The following FUT8 variants were observed in gnomAD, a reference collection of about 807,000 sequenced individuals.
FUT8 encodes fucosyltransferase 8, also known as alpha-(1,6)-fucosyltransferase.
Under a neutral mutation model 71.3 loss-of-function variants are expected in FUT8, and 29 were observed. The observed-to-expected ratio is 0.41, with a 90% CI of 0.30 to 0.55. The LOEUF is 0.55. FUT8 is among the 20% of genes least tolerant of loss of function. The probability of loss-of-function intolerance (pLI) is 0.34; values close to 1 mark genes in which losing one functional copy is unlikely to be tolerated. For missense variants in FUT8, 544 were observed against 702.1 expected (o/e 0.77, Z 2.55); for synonymous variants, 254 against 239.3 (o/e 1.06, Z -0.57).
the FUT8 span, among the ~76,000 whole-genome samples, chr14:65,387,118 A>G: frequency 6.6e-6 from 1 of 152,198 alleles, no homozygotes; most frequent in African/African-American, 2.4e-5. Flanking sequence ...CTGGGATCAC[A>G]GACATGAGCC....
At chr14:65,365,201 T>A in the FUT8 span, among the ~76,000 whole-genome samples, 139 of 152,298 alleles carry the variant, frequency 9.1e-4, no homozygotes, top group African/African-American at 3.2e-3. Context: ...TGCTAGACCC[T>A]CAGCTGCTTT....
At chr14:65,415,053 T>C (rs2065199006) in intron 1 of FUT8, among the ~76,000 whole-genome samples, 1 of 152,202 alleles carries the variant, frequency 6.6e-6, no homozygotes, top group Admixed American at 6.5e-5. Context: ...TTGCAAATTC[T>C]TACCAGTTAT....
At chr14:65,421,127 A>AGG (rs2065286872) in intron 1 of FUT8, among the ~76,000 whole-genome samples, 1 of 137,764 alleles carries the variant, frequency 7.3e-6, no homozygotes, top group Admixed American at 8.0e-5. Context: ...TAGAAGGTGG[A>AGG]GGTTGCAGTG....
chr14:65,374,593 T>TG, the FUT8 span, among the ~76,000 whole-genome samples: 1 of 150,352 alleles, frequency 6.7e-6, no homozygotes, highest in Non-Finnish European at 1.5e-5. Flanking sequence ...CGGTGAGTTG[T>TG]TTTTTTTGTT....
chr14:65,486,415 T>G (rs2139702466), intron 2 of FUT8, among the ~76,000 whole-genome samples: 1 of 152,328 alleles, frequency 6.6e-6, no homozygotes, highest in Non-Finnish European at 1.5e-5. Context: ...ACTGTAAAGC[T>G]TGGCATTACT....
chr14:65,710,395 A>G (rs929719643), intron 7 of FUT8, among the ~76,000 whole-genome samples: 1 of 152,206 alleles, frequency 6.6e-6, no homozygotes, highest in African/African-American at 2.4e-5. Flanking sequence ...ATAATGTTAT[A>G]TGGTAAATCA....
chr14:65,392,399 A>C, the FUT8 span, among the ~76,000 whole-genome samples: 4 of 152,224 alleles, frequency 2.6e-5, no homozygotes, highest in African/African-American at 9.7e-5. Flanking sequence ...GTGCAAGGCC[A>C]CAATTATAAA....
chr14:65,712,715 G>A (rs1008340517), intron 7 of FUT8, among the ~76,000 whole-genome samples: 1 of 152,168 alleles, frequency 6.6e-6, no homozygotes, highest in Non-Finnish European at 1.5e-5. Context: ...AAAGTGCTGG[G>A]ATTACAGGCG....
intron 2 of FUT8, among the ~76,000 whole-genome samples, chr14:65,527,405 T>A (rs971373964): frequency 1.3e-5 from 2 of 152,232 alleles, no homozygotes; most frequent in Non-Finnish European, 2.9e-5. Context: ...GCCATGGTTT[T>A]CAGCTCCATC....
chr14:65,534,260 C>G (rs374768856), intron 2 of FUT8, among the ~76,000 whole-genome samples: 6 of 152,158 alleles, frequency 3.9e-5, no homozygotes. Context: ...ATAGCTGAGA[C>G]TATAGGCATG....
chr14:65,558,334 A>T (rs1165313875), intron 2 of FUT8, among the ~76,000 whole-genome samples: 1 of 152,116 alleles, frequency 6.6e-6, no homozygotes, highest in Non-Finnish European at 1.5e-5. Context: ...TCAAAAAAAA[A>T]AAAAAAAAGA....
chr14:65,406,430 A>G (rs2065089170), upstream of FUT8, among the ~76,000 whole-genome samples: 1 of 152,208 alleles, frequency 6.6e-6, no homozygotes, highest in Admixed American at 6.5e-5. Flanking sequence ...TAAAAGCTTT[A>G]TTGCAAGTCA....
At chr14:65,587,939 T>C (rs1340125674) in intron 3 of FUT8, among the ~76,000 whole-genome samples, 1 of 152,200 alleles carries the variant, frequency 6.6e-6, no homozygotes, top group Non-Finnish European at 1.5e-5. Flanking sequence ...CTGATATAAT[T>C]AATAGATGAT....
chr14:65,677,149 T>TGCGCGCGC (rs1484485353), intron 7 of FUT8, among the ~76,000 whole-genome samples: 1 of 84,530 alleles, frequency 1.2e-5, no homozygotes, highest in Non-Finnish European at 2.9e-5. Context: ...TGTGTGTGTG[T>TGCGCGCGC]GTGCGCGCGC....
the FUT8 span, among the ~76,000 whole-genome samples, chr14:65,378,863 T>TTTTTTA: frequency 7.8e-5 from 11 of 141,038 alleles, no homozygotes; most frequent in Admixed American, 1.4e-4. Context: ...TTTTTTTTTT[T>TTTTTTA]GAGATGGAGT....
intron 10 of FUT8, among the ~76,000 whole-genome samples, chr14:65,738,714 C>A (rs567911152): frequency 6.6e-6 from 1 of 152,164 alleles, no homozygotes; most frequent in South Asian, 2.1e-4. Flanking sequence ...AGAGAGGAAG[C>A]ATAGAGTGAC....
In FUT8 at chr14:65,545,275, C is replaced by A. The variant is rs887532799; in HGVS notation, c.-227-16062C>A. Among the ~76,000 whole-genome samples, 8 of 151,840 alleles carry A rather than the reference C, an allele frequency of 5.3e-5. No homozygotes were observed. The South Asian group carries it at 1.7e-3, about 32-fold the overall frequency. On this transcript the variant is annotated intron_variant, in intron 2 of 10. Coordinates refer to ENST00000673929, the MANE Select transcript of FUT8 (RefSeq NM_001371533.1). ...CAATATTTAGTTAAAAAATGAATTG[C>A]GATCAAAGGAGAAGATATTTAAAAA...
chr14:65,361,414 A>G, the FUT8 span, among the ~76,000 whole-genome samples: 2 of 151,160 alleles, frequency 1.3e-5, no homozygotes, highest in Admixed American at 6.6e-5. Context: ...TTGTAAGGAT[A>G]CTTACTAGGA....
At chr14:65,737,973 T>C (rs1327420652) in intron 10 of FUT8, among the ~76,000 whole-genome samples, 1 of 152,102 alleles carries the variant, frequency 6.6e-6, no homozygotes, top group African/African-American at 2.4e-5. Context: ...TCCATTGAGA[T>C]GTGGCTCATG....
Sources: allele counts gnomAD v4.1 joint callset (sites outside exome capture counted in the v4.1 genomes callset), GRCh38; gene constraint gnomAD v4.1.1; transcripts MANE v1.5; gene names NCBI Gene and HGNC (gene_info 2026-07-23, HGNC 2026-07-21).